OLFM2: variants seen among roughly 807,000 people sequenced by gnomAD.
The protein encoded by OLFM2 is olfactomedin 2.
OLFM2 carries 20 observed loss-of-function variants against 43.9 expected under a neutral mutation model. The observed-to-expected ratio is 0.46, with a 90% CI of 0.32 to 0.66. The LOEUF is 0.66. Ranked by LOEUF, OLFM2 falls within the 30% of genes least tolerant of loss-of-function variation. The probability of loss-of-function intolerance (pLI) is 0.04; values close to 1 mark genes in which losing one functional copy is unlikely to be tolerated. For synonymous variants in OLFM2, 268 were observed against 278.6 expected, an observed-to-expected ratio of 0.96 and a Z score of 0.38; for missense variants, 416 against 643.6, an observed-to-expected ratio of 0.65 and a Z score of 3.83.
chr19:9,933,114 G>A (rs2069774765), intron 1 of OLFM2, among the ~76,000 whole-genome samples: 2 of 152,054 alleles, frequency 1.3e-5, no homozygotes, highest in Admixed American at 1.3e-4. Context: ...CACCTTCAAT[G>A]CTCTTCCCCC....
At chr19:9,881,713 G>A (rs1568374346) in intron 1 of OLFM2, among the ~76,000 whole-genome samples, 2 of 150,580 alleles carry the variant, frequency 1.3e-5, no homozygotes, top group Non-Finnish European at 2.9e-5. Context: ...GCCTAGGCTG[G>A]TCTTGAACTC....
Position 9,936,253 on chromosome 19 carries a change from C to G in OLFM2, c.63+51G>C, listed in dbSNP as rs1233002280. The G allele has an allele frequency of 8.5e-6, 13 of 1,521,494 alleles. No homozygotes were observed. In the East Asian group the frequency reaches 1.7e-4, roughly 20 times the overall value. 94.2% of individuals were successfully genotyped at this position (1,521,494 alleles called of 1,614,324 possible). On this transcript the variant is annotated intron_variant, in intron 1 of 5. Coordinates refer to ENST00000264833, the MANE Select transcript of OLFM2 (RefSeq NM_058164.4). Reference sequence around the variant, plus strand: ...GTTTCTCCGGGAACCCTCCGCGCCCCCCTCCTCTCCCGGAGCCACCCGCGC... The same window carrying G: ...GTTTCTCCGGGAACCCTCCGCGCCCGCCTCCTCTCCCGGAGCCACCCGCGC...
intron 1 of OLFM2, among the ~76,000 whole-genome samples, chr19:9,862,489 T>C (rs1300720465): frequency 6.7e-6 from 1 of 149,782 alleles, no homozygotes; most frequent in African/African-American, 2.5e-5. Flanking sequence ...CTGGGCAACA[T>C]AACAAGACCT....
rs746941208 is a variant in OLFM2 at position 9,860,619 on chromosome 19, C to T, written c.213+26G>A. On this transcript the variant is annotated intron_variant, in intron 2 of 5. Coordinates refer to ENST00000264833, the MANE Select transcript of OLFM2 (RefSeq NM_058164.4). ...AGAACTGGGAGATTTTCCCAGCTGC[C>T]CCCAGGGTACCTGGAAGGTTCTCAC... 81 of 1,563,294 alleles carry T rather than the reference C, an allele frequency of 5.2e-5. No homozygotes were observed. In the Middle Eastern group the frequency reaches 6.9e-4, roughly 13 times the overall value.
chr19:9,865,125 G>A (rs950741344), intron 1 of OLFM2, among the ~76,000 whole-genome samples: 5 of 151,226 alleles, frequency 3.3e-5, no homozygotes, highest in Non-Finnish European at 7.4e-5. Flanking sequence ...GGTTCTGGGA[G>A]GATCCAGAAC....
intron 1 of OLFM2, among the ~76,000 whole-genome samples, chr19:9,908,649 T>C (rs1481743237): frequency 1.3e-5 from 2 of 151,876 alleles, no homozygotes; most frequent in Non-Finnish European, 1.5e-5. Flanking sequence ...CAGCTAATTA[T>C]TGTATTTTTA....
rs1367456540 is a variant in OLFM2, at chr19:9,856,340, C to T, written c.687+467G>A. Among the ~76,000 whole-genome samples the T allele has an allele frequency of 2.6e-5, 4 of 152,018 alleles. No individual in the cohort carries two copies. Among genetic ancestry groups the T allele is most frequent in the African/African-American group, 7.2e-5 (3 of 41,382 alleles). ...CTCGAACTCCCGACCTCAGGTGATC[C>T]GCCCACCTCAGCCTCCCAAAGTGCT... On this transcript the variant is annotated intron_variant, in intron 5 of 5. Transcript: ENST00000264833. This position sits in a 1 kb window ranked among gnomAD's most constrained non-coding sequence, Gnocchi z 4.0.
At chr19:9,923,022 A>G (rs1033105071) in intron 1 of OLFM2, among the ~76,000 whole-genome samples, 2 of 152,106 alleles carry the variant, frequency 1.3e-5, no homozygotes, top group Admixed American at 6.6e-5. Context: ...CTGGTGGAAG[A>G]GTTGTTGACT....
chr19:9,912,122 C>T (rs575774752), intron 1 of OLFM2, among the ~76,000 whole-genome samples: 25 of 152,040 alleles, frequency 1.6e-4, no homozygotes, highest in African/African-American at 4.3e-4. Flanking sequence ...ATATACACAC[C>T]GAAACACACA....
chr19:9,858,806 A>G (rs534601451), intron 2 of OLFM2, among the ~76,000 whole-genome samples: 7 of 152,132 alleles, frequency 4.6e-5, no homozygotes, highest in African/African-American at 1.7e-4. Flanking sequence ...GGTGAACTCC[A>G]TCTCTGGCTT....
chr19:9,888,521 C>CA (rs33932579), intron 1 of OLFM2, among the ~76,000 whole-genome samples: 4,557 of 138,540 alleles, frequency 0.033, 265 homozygotes, highest in African/African-American at 0.11. Context: ...GACCTTACCT[C>CA]AAAAAAAAAA....
chr19:9,865,494 T>TC (rs1304404624), intron 1 of OLFM2, among the ~76,000 whole-genome samples: 5 of 131,210 alleles, frequency 3.8e-5, no homozygotes, highest in Admixed American at 1.5e-4. Flanking sequence ...TCTTTTTTTT[T>TC]TTTTTTTTTT....
At chr19:9,905,718 T>C (rs534352880) in intron 1 of OLFM2, among the ~76,000 whole-genome samples, 295 of 152,172 alleles carry the variant, frequency 1.9e-3, no homozygotes, top group African/African-American at 6.8e-3. Flanking sequence ...TTGGAAGCTG[T>C]GGATCCTTGT....
chr19:9,867,001 C>T (rs1306307628), intron 1 of OLFM2, among the ~76,000 whole-genome samples: 1 of 152,208 alleles, frequency 6.6e-6, no homozygotes, highest in Non-Finnish European at 1.5e-5. Flanking sequence ...AGGACACAGG[C>T]AGGGAAAGCT....
intron 1 of OLFM2, among the ~76,000 whole-genome samples, chr19:9,910,079 C>T (rs923506523): frequency 6.6e-6 from 1 of 152,014 alleles, no homozygotes; most frequent in Non-Finnish European, 1.5e-5. Flanking sequence ...ATAAGGAAAT[C>T]GAATCCCAGC....
chr19:9,919,176 C>CT (rs36124685), intron 1 of OLFM2, among the ~76,000 whole-genome samples: 77 of 149,260 alleles, frequency 5.2e-4, no homozygotes, highest in Non-Finnish European at 8.7e-4. Context: ...ATTTCTCTCT[C>CT]TTTTTTTTGA....
In OLFM2 at chr19:9,920,622, G is replaced by A. The variant is rs117971168; in HGVS notation, c.63+15682C>T. On this transcript the variant is annotated intron_variant, in intron 1 of 5. Transcript: ENST00000264833. ...AAAAATGTTTCTTCTGGGGCTAGGC[G>A]CGGTGGCTCATGCCTGTAATCCCAG... is the stretch of plus-strand genomic sequence containing the variant. Among the ~76,000 whole-genome samples the A allele has an allele frequency of 4.1e-3, 620 of 152,020 alleles. 4 individuals are homozygous for A. In the South Asian group the frequency reaches 0.053, roughly 13 times the overall value.
intron 2 of OLFM2, among the ~76,000 whole-genome samples, chr19:9,859,040 C>T (rs1398076301): frequency 6.6e-6 from 1 of 152,232 alleles, no homozygotes; most frequent in Non-Finnish European, 1.5e-5. Context: ...ACCAGCTTCA[C>T]CTGACTAAAG....
intron 1 of OLFM2, chr19:9,913,730 G>T (rs2046849592): frequency 4.7e-5 from 48 of 1,020,516 alleles, no homozygotes; most frequent in Non-Finnish European, 5.2e-5. Context: ...GGGGGAGGGG[G>T]CACGAGCGCG....
Sources: allele counts gnomAD v4.1 joint callset (sites outside exome capture counted in the v4.1 genomes callset), GRCh38; gene constraint gnomAD v4.1.1; non-coding constraint Gnocchi (gnomAD v3.1); transcripts MANE v1.5; gene names NCBI Gene and HGNC (gene_info 2026-07-23, HGNC 2026-07-21).